The following ROR1 variants were observed in gnomAD, a reference collection of about 807,000 sequenced individuals.
ROR1 encodes the protein inactive tyrosine-protein kinase transmembrane receptor ROR1.
ROR1 carries 19 observed loss-of-function variants against 78.8 expected under a neutral mutation model. The observed-to-expected ratio is 0.24, with a 90% confidence interval of 0.17 to 0.35. ROR1 has a LOEUF of 0.35. Ranked by LOEUF, ROR1 falls within the 10% of genes least tolerant of loss-of-function variation. The pLI, the probability that ROR1 is intolerant of heterozygous loss-of-function variation, is 1.00. For missense variants in ROR1, 917 were observed against 1,177.8 expected, an observed-to-expected ratio of 0.78 and a Z score of 3.24; for synonymous variants, 386 against 433.6, an observed-to-expected ratio of 0.89 and a Z score of 1.36.
intron 1 of ROR1, among the ~76,000 whole-genome samples, chr1:63,934,940 A>G (rs961028522): frequency 5.3e-5 from 8 of 151,968 alleles, no homozygotes; most frequent in African/African-American, 1.9e-4. Context: ...CCAAGTAACA[A>G]TTTATCATGC....
intron 7 of ROR1, among the ~76,000 whole-genome samples, chr1:64,146,321 C>A (rs1440033771): frequency 1.3e-5 from 2 of 152,060 alleles, no homozygotes; most frequent in African/African-American, 4.8e-5. Context: ...ACCAAAAATA[C>A]AAAAATTAGC....
chr1:63,855,098 C>A (rs1395655377), intron 1 of ROR1, among the ~76,000 whole-genome samples: 1 of 151,974 alleles, frequency 6.6e-6, no homozygotes, highest in Non-Finnish European at 1.5e-5. Context: ...TACTAATGAA[C>A]ACTACTTTGG....
chr1:63,879,484 C>G (rs1005536722), intron 1 of ROR1, among the ~76,000 whole-genome samples: 1 of 151,986 alleles, frequency 6.6e-6, no homozygotes, highest in Non-Finnish European at 1.5e-5. Flanking sequence ...CATGGGGACC[C>G]CTTTCCTTTC....
chr1:64,159,279 A>C, intron 8 of ROR1, 87 bp downstream of exon 8: 2 of 1,008,772 alleles, frequency 2.0e-6, no homozygotes, highest in Non-Finnish European at 3.1e-6. Flanking sequence ...TGGAAATCGA[A>C]TGATATGGAA....
chr1:64,125,990 T>G (rs1166964743), intron 4 of ROR1, among the ~76,000 whole-genome samples: 1 of 152,174 alleles, frequency 6.6e-6, no homozygotes, highest in Non-Finnish European at 1.5e-5. Flanking sequence ...GGAACAGACT[T>G]CTCAACAAAT....
chr1:63,827,045 G>A (rs1349440468), intron 1 of ROR1, among the ~76,000 whole-genome samples: 1 of 148,784 alleles, frequency 6.7e-6, no homozygotes, highest in Non-Finnish European at 1.5e-5. Flanking sequence ...GGTGCTGGAA[G>A]CCGTTATCCT....
chr1:63,942,415 T>C (rs1023764184), intron 1 of ROR1, among the ~76,000 whole-genome samples: 3 of 152,200 alleles, frequency 2.0e-5, no homozygotes, highest in African/African-American at 7.2e-5. Context: ...CTTTAGTGTC[T>C]ATTATGATTT....
intron 2 of ROR1, among the ~76,000 whole-genome samples, chr1:64,041,176 G>T (rs139394853): frequency 6.6e-6 from 1 of 152,182 alleles, no homozygotes; most frequent in African/African-American, 2.4e-5. Context: ...CTTAAAATGG[G>T]GCTGGAAAAT....
intron 4 of ROR1, among the ~76,000 whole-genome samples, chr1:64,104,432 ATCAATATAGCATGAAG>A (rs1647702706): frequency 6.6e-6 from 1 of 152,170 alleles, no homozygotes; most frequent in Non-Finnish European, 1.5e-5. Context: ...TCCTCTACTA[ATCAATATAGCATGAAG>A]TCATATACAT....
chr1:63,953,955 T>C (rs1334824976), intron 1 of ROR1, among the ~76,000 whole-genome samples: 1 of 152,150 alleles, frequency 6.6e-6, no homozygotes, highest in Admixed American at 6.5e-5. Context: ...TTAGGTTGAA[T>C]CTGGGGCAGC....
In ROR1 at chr1:64,108,395, T is replaced by TAAAAAAAAAA. The variant is rs556497678; in HGVS notation, c.483-28945_483-28936dup. On this transcript the variant is annotated intron_variant, in intron 4 of 8. Coordinates refer to ENST00000371079, the MANE Select transcript of ROR1 (RefSeq NM_005012.4). Reference sequence around the variant, plus strand: ...ATGGGCGACAGAGTGAGACTCCATCTAAAAAAAAAAAAAAAAAAAAAAAAA... The same window carrying TAAAAAAAAAA: ...ATGGGCGACAGAGTGAGACTCCATCTAAAAAAAAAAAAAAAAAAAAAAAAAAAAAAAAAAA... 1.4e-4 allele frequency: 7 copies of TAAAAAAAAAA among 48,294 alleles called. 1 individual carries two copies. The highest frequency in any genetic ancestry group is 5.6e-4 in the African/African-American group (7 of 12,576). 3.0% of individuals were successfully genotyped at this position (48,294 alleles called of 1,614,324 possible).
chr1:64,142,371 T>G, intron 6 of ROR1, 34 bp from the exon 7 acceptor site: 1 of 1,611,066 alleles, frequency 6.2e-7, no homozygotes, highest in Non-Finnish European at 8.5e-7. Flanking sequence ...CCTATGTTTC[T>G]TTCTAATTGT....
chr1:63,870,314 G>A (rs1443112905), intron 1 of ROR1, among the ~76,000 whole-genome samples: 3 of 152,170 alleles, frequency 2.0e-5, no homozygotes, highest in Non-Finnish European at 2.9e-5. Flanking sequence ...AGCATCTAGA[G>A]GAAGCTGCTG....
intron 1 of ROR1, among the ~76,000 whole-genome samples, chr1:63,821,299 A>G (rs1292494193): frequency 6.6e-6 from 1 of 152,226 alleles, no homozygotes; most frequent in African/African-American, 2.4e-5. Flanking sequence ...ACACAGAATG[A>G]GTCCACCACC....
At chr1:63,927,672 C>G (rs1278761285) in intron 1 of ROR1, among the ~76,000 whole-genome samples, 2 of 151,856 alleles carry the variant, frequency 1.3e-5, no homozygotes, top group Non-Finnish European at 2.9e-5. Context: ...GTGAATTGTT[C>G]ATATTCACAC....
At position 64,017,539 on chromosome 1, in the gene ROR1, C is replaced by A. The variant is rs143405886; in HGVS notation, c.163+8163C>A. Among the ~76,000 whole-genome samples the A allele has an allele frequency of 3.1e-3, 475 of 152,198 alleles. 3 individuals carry two copies. Among genetic ancestry groups the A allele is most frequent in the African/African-American group, 0.011 (454 of 41,516 alleles). On this transcript the variant is annotated intron_variant, in intron 2 of 8. Coordinates refer to ENST00000371079, the MANE Select transcript of ROR1 (RefSeq NM_005012.4). ...ACCTGCTCAAAGGGGAGAGATTTGC[C>A]ATCAGCCCCCCTGCCATCCAGCCAT...
At chr1:64,026,814 C>G (rs1323335785) in intron 2 of ROR1, among the ~76,000 whole-genome samples, 2 of 152,182 alleles carry the variant, frequency 1.3e-5, no homozygotes, top group Admixed American at 6.5e-5. Context: ...GAACCTCTCC[C>G]ATGATCCAAT....
intron 4 of ROR1, among the ~76,000 whole-genome samples, chr1:64,114,946 T>C (rs1226463289): frequency 6.6e-6 from 1 of 152,118 alleles, no homozygotes; most frequent in African/African-American, 2.4e-5. Context: ...AGAGGTAAAA[T>C]AGGTAAAAAT....
intron 1 of ROR1, among the ~76,000 whole-genome samples, chr1:63,777,868 G>C (rs1025061291): frequency 6.6e-6 from 1 of 152,218 alleles, no homozygotes; most frequent in African/African-American, 2.4e-5. Context: ...TATATAGTAA[G>C]TGGTCCATAG....
Sources: allele counts gnomAD v4.1 joint callset (sites outside exome capture counted in the v4.1 genomes callset), GRCh38; gene constraint gnomAD v4.1.1; transcripts MANE v1.5; gene names NCBI Gene and HGNC (gene_info 2026-07-23, HGNC 2026-07-21).